The following FOXK2 variants were observed in gnomAD, a reference collection of about 807,000 sequenced individuals.
FOXK2 encodes the protein forkhead box protein K2.
In FOXK2, 24 loss-of-function variants were observed where a neutral mutation model predicts 53.3. The ratio of observed to expected loss-of-function variants is 0.45; its 90% CI spans 0.33 to 0.63. The LOEUF (loss-of-function observed/expected upper bound fraction) is 0.63. Among genes scored for constraint, FOXK2 ranks in the 30% least tolerant of loss-of-function variants. FOXK2 has a pLI of 0.03. For synonymous variants in FOXK2, 505 were observed against 407.1 expected (o/e 1.24, Z -2.89); for missense variants, 952 against 910.5 (o/e 1.05, Z -0.59).
chr17:82,545,713 C>T (rs1158666331), intron 1 of FOXK2, among the ~76,000 whole-genome samples: 1 of 151,858 alleles, frequency 6.6e-6, no homozygotes, highest in South Asian at 2.1e-4. Flanking sequence ...TCCTGAGTGG[C>T]TGGGATTATA....
At chr17:82,537,687 AG>A (rs1320269005) in intron 1 of FOXK2, among the ~76,000 whole-genome samples, 1 of 146,970 alleles carries the variant, frequency 6.8e-6, no homozygotes, top group East Asian at 2.0e-4. Flanking sequence ...ACACTTTTGG[AG>A]GCCGAGGCGG....
intron 1 of FOXK2, among the ~76,000 whole-genome samples, chr17:82,541,883 A>AT (rs557786535): frequency 0.015 from 2,088 of 141,384 alleles, 30 homozygotes; most frequent in African/African-American, 0.04. Context: ...AGCTAATTAA[A>AT]TTTTTTTTTT....
chr17:82,568,329 G>C, intron 3 of FOXK2, 128 bp downstream of exon 3: 2 of 1,140,384 alleles, frequency 1.8e-6, no homozygotes, highest in Non-Finnish European at 2.5e-6. Context: ...GTGGGGATGT[G>C]GGCTTGATTC....
intron 8 of FOXK2, among the ~76,000 whole-genome samples, chr17:82,598,293 C>G (rs868670361): frequency 8.5e-5 from 13 of 152,058 alleles, no homozygotes; most frequent in African/African-American, 3.1e-4. Flanking sequence ...CGGGGTCTTG[C>G]TATGTTGTCC....
intron 1 of FOXK2, among the ~76,000 whole-genome samples, chr17:82,545,246 G>GC (rs1490434841): frequency 7.9e-5 from 12 of 152,152 alleles, no homozygotes; most frequent in Non-Finnish European, 1.6e-4. Flanking sequence ...ACCTCTCCCA[G>GC]CCAGGGCCTC....
intron 1 of FOXK2, among the ~76,000 whole-genome samples, chr17:82,555,913 A>G (rs1006656214): frequency 1.4e-5 from 2 of 139,850 alleles, no homozygotes; most frequent in East Asian, 2.1e-4. Flanking sequence ...AAAAAAAAAA[A>G]AAAGAAATAG....
At position 82,601,725 on chromosome 17, in the gene FOXK2, A is replaced by G; in HGVS notation, c.*226A>G. The G allele has an allele frequency of 2.1e-6, 1 of 475,070 alleles. No individual in the cohort carries two copies. Among genetic ancestry groups the G allele is most frequent in the Non-Finnish European group, 3.8e-6 (1 of 263,444 alleles). 29.4% of individuals were successfully genotyped at this position (475,070 alleles called of 1,614,324 possible). Reference sequence around the variant, plus strand: ...TTGGGAGACGGTGTCTCCACTGAGCACCTGCTGGGCTGAGCTTCTACCTAC... The same window carrying G: ...TTGGGAGACGGTGTCTCCACTGAGCGCCTGCTGGGCTGAGCTTCTACCTAC... On this transcript the variant is annotated 3_prime_UTR_variant, in exon 9 of 9. Coordinates refer to ENST00000335255, the MANE Select transcript of FOXK2 (RefSeq NM_004514.4).
At chr17:82,540,430 C>T (rs181003715) in intron 1 of FOXK2, among the ~76,000 whole-genome samples, 1 of 152,308 alleles carries the variant, frequency 6.6e-6, no homozygotes, top group East Asian at 1.9e-4. Context: ...GGTATGCGTC[C>T]TTCTGCACGT....
In FOXK2 at chr17:82,589,092, TTTAAG is replaced by T. The variant is rs376272863; in HGVS notation, c.1786+1824_1786+1828del. ...AGAAAAACGGTATCCTTTTTATGTATTTAAGTTATCTGGAATTTTTCATTATAAAT... is the reference window on the plus strand; with the variant it reads ...AGAAAAACGGTATCCTTTTTATGTATTTATCTGGAATTTTTCATTATAAAT... On this transcript the variant is annotated intron_variant, in intron 8 of 8. Transcript: ENST00000335255. 3.0e-4 allele frequency among the ~76,000 whole-genome samples: 45 copies of T among 152,278 alleles called. No homozygotes were observed. In the East Asian group the frequency reaches 8.5e-3, roughly 29 times the overall value.
At chr17:82,550,485 G>C (rs1458654510) in intron 1 of FOXK2, among the ~76,000 whole-genome samples, 1 of 151,418 alleles carries the variant, frequency 6.6e-6, no homozygotes, top group Non-Finnish European at 1.5e-5. Flanking sequence ...CTCCATGCCT[G>C]GCCCTTCTGA....
chr17:82,541,356 T>C (rs1055136859), intron 1 of FOXK2, among the ~76,000 whole-genome samples: 20 of 151,042 alleles, frequency 1.3e-4, no homozygotes, highest in African/African-American at 4.4e-4. Flanking sequence ...CACTGCAACC[T>C]CCGTCTCCTG....
chr17:82,580,177 G>A (rs868386520), intron 4 of FOXK2, among the ~76,000 whole-genome samples: 4 of 136,500 alleles, frequency 2.9e-5, no homozygotes, highest in Non-Finnish European at 6.2e-5. Flanking sequence ...CGGTGAAGTA[G>A]CTCCATCCAC....
intron 1 of FOXK2, among the ~76,000 whole-genome samples, chr17:82,552,552 T>A (rs945966935): frequency 6.6e-6 from 1 of 152,174 alleles, no homozygotes; most frequent in Non-Finnish European, 1.5e-5. Context: ...CTTTGTCTTC[T>A]GTGACATTGA....
chr17:82,593,838 G>T (rs1396790599), intron 8 of FOXK2: 2 of 152,298 alleles, frequency 1.3e-5, no homozygotes, highest in African/African-American at 4.8e-5. Flanking sequence ...ACGTCTGAGG[G>T]TCCCTGGACG....
At chr17:82,583,895 G>A (rs1397156813) in intron 5 of FOXK2, 118 bp from the exon 6 acceptor site, 1 of 1,038,376 alleles carries the variant, frequency 9.6e-7, no homozygotes, top group South Asian at 1.7e-5. Flanking sequence ...TTACACAACA[G>A]TACTTGGTTG....
chr17:82,562,204 CAA>C (rs1227229607), intron 1 of FOXK2, among the ~76,000 whole-genome samples: 1 of 152,212 alleles, frequency 6.6e-6, no homozygotes, highest in East Asian at 1.9e-4. Flanking sequence ...GTGTTCACTG[CAA>C]ACCTTCTCCC....
At chr17:82,564,613 A>T (rs1303082693) in intron 2 of FOXK2, among the ~76,000 whole-genome samples, 1 of 151,524 alleles carries the variant, frequency 6.6e-6, no homozygotes, top group South Asian at 2.1e-4. Flanking sequence ...TTAATTTTGA[A>T]TTTTTTTTAG....
chr17:82,530,510 GTTTT>G (rs753680491), intron 1 of FOXK2, among the ~76,000 whole-genome samples: 2 of 114,628 alleles, frequency 1.7e-5, no homozygotes, highest in African/African-American at 3.2e-5. Flanking sequence ...CTACTGATGT[GTTTT>G]TTTTTTTTTT....
chr17:82,574,294 T>C (rs6502123), intron 4 of FOXK2, among the ~76,000 whole-genome samples: 66,467 of 150,684 alleles, frequency 0.44, 14,808 homozygotes, highest in South Asian at 0.56. Context: ...TCCAGATTCC[T>C]CCTAGTTCAT....
Sources: gnomAD v4.1 joint callset for allele counts (sites outside exome capture counted in the v4.1 genomes callset) on GRCh38, gnomAD v4.1.1 for gene constraint, MANE v1.5 for transcripts, NCBI Gene and HGNC (gene_info 2026-07-23, HGNC 2026-07-21) for gene names.